RIT2: variants seen among roughly 807,000 people sequenced by gnomAD.
RIT2 encodes Ras like without CAAX 2, also known as GTP-binding protein Rit2.
RIT2 carries 24 observed loss-of-function variants against 23.7 expected under a neutral mutation model. That is an observed-to-expected ratio of 1.01 (90% CI 0.73 to 1.43). The LOEUF (loss-of-function observed/expected upper bound fraction) is 1.43. RIT2 is among the 40% of genes most tolerant of loss of function. The pLI is 0.00. For synonymous variants in RIT2, 107 were observed against 91.1 expected (o/e 1.17, Z -0.99); for missense variants, 236 against 266.9 (o/e 0.88, Z 0.81).
chr18:42,990,802 G>GA (rs71175930), intron 2 of RIT2, among the ~76,000 whole-genome samples: 145,018 of 152,076 alleles, frequency 0.95, 69,510 homozygotes, highest in East Asian at 1. Flanking sequence ...TTTTAAATAT[G>GA]AAAAAGAGGT....
At chr18:42,825,854 T>G (rs1389498465) in intron 4 of RIT2, among the ~76,000 whole-genome samples, 1 of 151,966 alleles carries the variant, frequency 6.6e-6, no homozygotes, top group Non-Finnish European at 1.5e-5. Flanking sequence ...TCTCTATGCC[T>G]TTCACTCTTT....
At chr18:43,035,572 A>C (rs1265320615) in intron 1 of RIT2, among the ~76,000 whole-genome samples, 1 of 152,166 alleles carries the variant, frequency 6.6e-6, no homozygotes, top group African/African-American at 2.4e-5. Flanking sequence ...AGATTTAGCA[A>C]GAATACTGCT....
chr18:43,069,750 CCTTATAACTTATTGATGT>C, intron 1 of RIT2, among the ~76,000 whole-genome samples: 1 of 152,090 alleles, frequency 6.6e-6, no homozygotes, highest in East Asian at 1.9e-4. Flanking sequence ...GCATCTGTGA[CCTTATAACTTATTGATGT>C]TTCTTTCTGG....
intron 1 of RIT2, among the ~76,000 whole-genome samples, chr18:43,111,551 T>G (rs551847901): frequency 2.0e-5 from 3 of 152,320 alleles, no homozygotes; most frequent in Admixed American, 6.5e-5. Context: ...AAATATCTCA[T>G]GTACTCCATA....
At chr18:43,014,352 G>C (rs1341708024) in intron 2 of RIT2, among the ~76,000 whole-genome samples, 2 of 151,724 alleles carry the variant, frequency 1.3e-5, no homozygotes, top group Non-Finnish European at 2.9e-5. Context: ...GAAGAGAATG[G>C]TGCTTAGAAG....
chr18:43,078,502 T>C (rs1913076832), intron 1 of RIT2, among the ~76,000 whole-genome samples: 1 of 152,232 alleles, frequency 6.6e-6, no homozygotes, highest in Non-Finnish European at 1.5e-5. Context: ...AACCTCTTTT[T>C]ATGGATATAT....
intron 3 of RIT2, among the ~76,000 whole-genome samples, chr18:42,971,001 T>C (rs2144200067): frequency 6.6e-6 from 1 of 152,158 alleles, no homozygotes; most frequent in African/African-American, 2.4e-5. Context: ...ACATTGGGAC[T>C]TGGCCTCCAG....
At chr18:43,111,909 A>G (rs1372616593) in intron 1 of RIT2, among the ~76,000 whole-genome samples, 3 of 152,086 alleles carry the variant, frequency 2.0e-5, no homozygotes, top group Non-Finnish European at 4.4e-5. Flanking sequence ...GCCATTGTCC[A>G]AATAATTCTT....
chr18:42,973,960 A>G, intron 3 of RIT2, 114 bp downstream of exon 3: 1 of 639,072 alleles, frequency 1.6e-6, no homozygotes, highest in Non-Finnish European at 2.7e-6. Context: ...TTGTTATCAC[A>G]AATTTGTTCT....
chr18:42,890,790 AAAAGAATAAT>A (rs1248981428), intron 4 of RIT2, among the ~76,000 whole-genome samples: 2 of 152,138 alleles, frequency 1.3e-5, no homozygotes, highest in African/African-American at 4.8e-5. Flanking sequence ...ACACTGAAAT[AAAAGAATAAT>A]AAAGATAAAT....
At chr18:43,008,003 A>G (rs1911265169) in intron 2 of RIT2, among the ~76,000 whole-genome samples, 1 of 151,602 alleles carries the variant, frequency 6.6e-6, no homozygotes, top group Non-Finnish European at 1.5e-5. Flanking sequence ...ACAACACAAA[A>G]AGCAGGCAAC....
At chr18:43,115,112 T>G (rs1248765619) in intron 1 of RIT2, among the ~76,000 whole-genome samples, 23 of 152,154 alleles carry the variant, frequency 1.5e-4, no homozygotes, top group Admixed American at 1.4e-3. Flanking sequence ...CCATGACAAT[T>G]TCATACTTAT....
At chr18:42,934,997 A>G (rs1190883339) in intron 3 of RIT2, among the ~76,000 whole-genome samples, 1 of 152,222 alleles carries the variant, frequency 6.6e-6, no homozygotes, top group African/African-American at 2.4e-5. Context: ...ATAAATAGAA[A>G]GAGTCCTAAT....
chr18:42,785,300 G>A (rs1913898267), intron 4 of RIT2, among the ~76,000 whole-genome samples: 1 of 151,858 alleles, frequency 6.6e-6, no homozygotes, highest in African/African-American at 2.4e-5. Context: ...TTTTTCATTC[G>A]CTCTGTAGGA....
intron 3 of RIT2, among the ~76,000 whole-genome samples, chr18:42,971,415 A>G (rs1358597974): frequency 2.0e-5 from 3 of 152,028 alleles, no homozygotes; most frequent in African/African-American, 7.2e-5. Flanking sequence ...TTTTAATTGT[A>G]TGTTTGCCAG....
chr18:43,109,122 C>T (rs1232973613), intron 1 of RIT2, among the ~76,000 whole-genome samples: 6 of 152,182 alleles, frequency 3.9e-5, no homozygotes, highest in Admixed American at 3.3e-4. Flanking sequence ...GTGCTGCTTT[C>T]CGTTTACCTC....
intron 3 of RIT2, among the ~76,000 whole-genome samples, chr18:42,931,978 C>T (rs1221004373): frequency 6.6e-6 from 1 of 152,144 alleles, no homozygotes; most frequent in African/African-American, 2.4e-5. Flanking sequence ...TCACCATCCA[C>T]AATTAAATTC....
intron 4 of RIT2, among the ~76,000 whole-genome samples, chr18:42,900,232 G>A (rs555353215): frequency 2.0e-5 from 3 of 151,892 alleles, no homozygotes; most frequent in Non-Finnish European, 4.4e-5. Context: ...TCTCTTTGGT[G>A]GAAGATATTA....
chr18:42,913,081 A>C (rs776051986), intron 4 of RIT2, among the ~76,000 whole-genome samples: 1 of 151,918 alleles, frequency 6.6e-6, no homozygotes, highest in African/African-American at 2.4e-5. Flanking sequence ...GAACATGCAG[A>C]CATAACTCCA....
Sources: gnomAD v4.1 joint callset for allele counts (sites outside exome capture counted in the v4.1 genomes callset) on GRCh38, gnomAD v4.1.1 for gene constraint, MANE v1.5 for transcripts, NCBI Gene and HGNC (gene_info 2026-07-23, HGNC 2026-07-21) for gene names.